TPM3: variants seen among roughly 807,000 people sequenced by gnomAD.
The protein encoded by TPM3 is tropomyosin 3, also known as tropomyosin alpha-3 chain.
In TPM3, 16 loss-of-function variants were observed where a neutral mutation model predicts 43.1. The ratio of observed to expected loss-of-function variants is 0.37; its 90% CI spans 0.25 to 0.56. The LOEUF (loss-of-function observed/expected upper bound fraction) is 0.56, where lower values mean the gene tolerates loss of function less well. Among genes scored for constraint, TPM3 ranks in the 20% least tolerant of loss-of-function variants. The probability of loss-of-function intolerance (pLI) is 0.77; values close to 1 mark genes in which losing one functional copy is unlikely to be tolerated. For synonymous variants in TPM3, 101 were observed against 116.9 expected (o/e 0.86, Z 0.88); for missense variants, 176 against 337.2 (o/e 0.52, Z 3.74).
In TPM3 at chr1:154,171,445, T is replaced by C; in HGVS notation, c.610A>G (p.Asn204Asp). Residue 204 changes from asparagine to aspartate, a missense_variant, in exon 6 of 10, where the codon AAC becomes GAC. Physicochemically the swap from Asn to Asp is conservative, Grantham distance 23 (BLOSUM62 1). Transcript: ENST00000651641. ...GCCTGAGCCTCAAGAGACTTGAGGT[T>C]GTTGGTGACATTCTTCAGCTCCTCC... ...LEEELKNVTN[N>D]LKSLEAQAEK... 1 of 1,614,190 alleles carries C rather than the reference T, an allele frequency of 6.2e-7. No homozygotes were observed. The highest frequency in any genetic ancestry group is 8.5e-7 in the Non-Finnish European group (1 of 1,180,006).
At chr1:154,188,022 GTTTTGTTTTT>G (rs1277798293) in intron 2 of TPM3, among the ~76,000 whole-genome samples, 1 of 151,274 alleles carries the variant, frequency 6.6e-6, no homozygotes, top group African/African-American at 2.5e-5. Flanking sequence ...TGTTTGTTTT[GTTTTGTTTTT>G]TTGAGTTTTC....
intron 8 of TPM3, chr1:154,169,956 C>T (rs1422603245): frequency 4.0e-6 from 1 of 252,502 alleles, no homozygotes; most frequent in African/African-American, 2.3e-5. Flanking sequence ...TGACATTGGT[C>T]AATGTTCAGA....
intron 3 of TPM3, 123 bp downstream of exon 3, chr1:154,175,992 T>C: frequency 6.6e-7 from 1 of 1,516,018 alleles, no homozygotes; most frequent in Non-Finnish European, 9.0e-7. Flanking sequence ...AGTGCTGGGA[T>C]TACAGGCGTG....
downstream of TPM3, chr1:154,155,340 T>A (rs1054691032): frequency 4.7e-6 from 2 of 424,314 alleles, no homozygotes; most frequent in Non-Finnish European, 8.6e-6. Flanking sequence ...CTTCCAGTTT[T>A]AATTTCTTCT....
rs1030128563 is a variant in TPM3, at chr1:154,173,099, A to G, written c.480T>C (p.Asp160=). ...GGTCACTTACCTCTTCATACTTCCTATCTGCCTCTTCTGCAATGTGCTTAG... is the reference window on the plus strand; with the variant it reads ...GGTCACTTACCTCTTCATACTTCCTGTCTGCCTCTTCTGCAATGTGCTTAG... ...KEAKHIAEEA[D]RKYEEVARKL... is the part of the protein sequence containing the mutation. Residue 160 remains aspartate (D), a synonymous_variant, in exon 4 of 10, where the codon GAT becomes GAC. Transcript: ENST00000651641. The G allele has an allele frequency of 3.7e-6, 6 of 1,614,126 alleles. No individual in the cohort carries two copies. Among genetic ancestry groups the G allele is most frequent in the East Asian group, 4.5e-5 (2 of 44,902 alleles).
chr1:154,171,033 T>C, intron 6 of TPM3: 2 of 525,758 alleles, frequency 3.8e-6, no homozygotes, highest in Non-Finnish European at 6.8e-6. Flanking sequence ...CAAGGTCACA[T>C]GACTGAAACA....
chr1:154,158,315 T>C (rs576828554), downstream of TPM3, among the ~76,000 whole-genome samples: 24 of 152,342 alleles, frequency 1.6e-4, no homozygotes, highest in Middle Eastern at 3.4e-3. Context: ...TGCAGAGCTA[T>C]TGAACAGAAC....
chr1:154,185,675 A>T (rs1364750225), intron 2 of TPM3, among the ~76,000 whole-genome samples: 1 of 150,266 alleles, frequency 6.7e-6, no homozygotes, highest in East Asian at 1.9e-4. Context: ...GCGCCACTGC[A>T]CTCCAGCCTG....
intron 8 of TPM3, chr1:154,170,005 C>A: frequency 3.6e-6 from 1 of 276,216 alleles, no homozygotes; most frequent in Non-Finnish European, 7.0e-6. Context: ...GATAAATACC[C>A]GACAACTTGA....
At chr1:154,169,128 GC>G (rs1159912600) in intron 9 of TPM3, among the ~76,000 whole-genome samples, 176 bp downstream of exon 9, 3 of 152,166 alleles carry the variant, frequency 2.0e-5, no homozygotes, top group Admixed American at 6.5e-5. Context: ...GAGCCACCGC[GC>G]CCGGCCATGC....
chr1:154,155,862 A>G, downstream of TPM3: 1 of 212,674 alleles, frequency 4.7e-6, no homozygotes, highest in Non-Finnish European at 9.4e-6. Flanking sequence ...GTTCTTTCTA[A>G]TCTTCATGTT....
At chr1:154,187,555 A>G in intron 2 of TPM3, 1 of 971,534 alleles carries the variant, frequency 1.0e-6, no homozygotes, top group East Asian at 1.1e-4. Flanking sequence ...AAATGAATAT[A>G]CTGAGTAGAC....
chr1:154,158,609 T>C (rs1413399322), downstream of TPM3: 1 of 366,154 alleles, frequency 2.7e-6, no homozygotes, highest in Admixed American at 4.4e-5. Context: ...TTACAACAAC[T>C]TGTCAAGTCA....
In TPM3 at chr1:154,164,423, G is replaced by C. The variant is rs1660734619; in HGVS notation, c.*3514C>G. On this transcript the variant is annotated 3_prime_UTR_variant, in exon 10 of 10. Coordinates refer to ENST00000651641, the MANE Select transcript of TPM3 (RefSeq NM_152263.4). ...AATCCTCTCACCTCAGCCTCCTAAA[G>C]TGCAGGGATTACAGGCATGAGCCAC... Among the ~76,000 whole-genome samples, 1 of 152,112 alleles carries C rather than the reference G, an allele frequency of 6.6e-6. No individual in the cohort carries two copies. Among genetic ancestry groups the C allele is most frequent in the Admixed American group, 6.5e-5 (1 of 15,268 alleles).
intron 2 of TPM3, among the ~76,000 whole-genome samples, chr1:154,185,860 G>A (rs558342599): frequency 4.0e-5 from 6 of 151,364 alleles, no homozygotes; most frequent in Non-Finnish European, 5.9e-5. Flanking sequence ...GTAGGTAATC[G>A]TGATAAATTT....
intron 2 of TPM3, among the ~76,000 whole-genome samples, chr1:154,181,536 A>G (rs1662945749): frequency 2.0e-5 from 3 of 152,228 alleles, no homozygotes. Flanking sequence ...TATCAGCTCC[A>G]TCTATTAGAC....
downstream of TPM3, among the ~76,000 whole-genome samples, chr1:154,159,934 T>C (rs1038050770): frequency 8.7e-6 from 1 of 114,362 alleles, no homozygotes; most frequent in Non-Finnish European, 1.7e-5. Context: ...CATGGCTAGA[T>C]GTATGTGATT....
chr1:154,170,329 AAG>A (rs1661427843), intron 8 of TPM3, 69 bp downstream of exon 8: 2 of 1,539,636 alleles, frequency 1.3e-6, no homozygotes, highest in Non-Finnish European at 1.8e-6. Context: ...TGTACAGAAA[AAG>A]AGATTAATGG....
intron 3 of TPM3, among the ~76,000 whole-genome samples, chr1:154,174,971 T>C (rs907010201): frequency 6.6e-6 from 1 of 152,126 alleles, no homozygotes; most frequent in African/African-American, 2.4e-5. Flanking sequence ...CAACTGGCTA[T>C]TTTCAAAAAC....
Sources: gnomAD v4.1 joint callset for allele counts (sites outside exome capture counted in the v4.1 genomes callset) on GRCh38, gnomAD v4.1.1 for gene constraint, MANE v1.5 for transcripts, NCBI Gene and HGNC (gene_info 2026-07-23, HGNC 2026-07-21) for gene names.